GPHN: variants seen among roughly 807,000 people sequenced by gnomAD.
GPHN encodes gephyrin.
GPHN carries 17 observed loss-of-function variants against 95.5 expected under a neutral mutation model. The observed-to-expected ratio is 0.18, with a 90% CI of 0.12 to 0.27. The LOEUF is 0.27. Among genes scored for constraint, GPHN ranks in the 10% least tolerant of loss-of-function variants. GPHN has a pLI of 1.00. For synonymous variants in GPHN, 320 were observed against 322.5 expected, an observed-to-expected ratio of 0.99 and a Z score of 0.08; for missense variants, 660 against 978.1, an observed-to-expected ratio of 0.67 and a Z score of 4.34.
the GPHN span, chr14:67,364,598 C>A: frequency 3.2e-6 from 2 of 618,962 alleles, no homozygotes; most frequent in Non-Finnish European, 5.3e-6. Flanking sequence ...GGTTCCTGAA[C>A]ATTATCTGTT....
At chr14:67,245,001 GT>G in the GPHN span, among the ~76,000 whole-genome samples, 1 of 152,212 alleles carries the variant, frequency 6.6e-6, no homozygotes, top group African/African-American at 2.4e-5. Flanking sequence ...GAAGTGCAAA[GT>G]TGCTGGCTTT....
the GPHN span, among the ~76,000 whole-genome samples, chr14:67,594,657 AAAG>A: frequency 6.6e-6 from 1 of 152,078 alleles, no homozygotes; most frequent in Non-Finnish European, 1.5e-5. Context: ...TCAAAAAAAA[AAAG>A]GACCCCAAAT....
At chr14:67,642,245 TACA>T in the GPHN span, 11,698 of 1,614,108 alleles carry the variant, frequency 7.2e-3, 58 homozygotes, top group Non-Finnish European at 9.0e-3. Context: ...AGATGATCTC[TACA>T]ACAACCTGAT....
chr14:66,842,316 T>C (rs1372501078), intron 4 of GPHN, among the ~76,000 whole-genome samples: 2 of 152,108 alleles, frequency 1.3e-5, no homozygotes, highest in Non-Finnish European at 2.9e-5. Context: ...TCCCCTCTGC[T>C]CATTCACAAA....
chr14:67,002,399 A>G (rs1168634748), intron 9 of GPHN, among the ~76,000 whole-genome samples: 2 of 146,130 alleles, frequency 1.4e-5, no homozygotes, highest in Admixed American at 7.0e-5. Flanking sequence ...ATCGTGAGAC[A>G]TATTTTTATT....
At chr14:66,919,404 C>T (rs1258269685) in intron 6 of GPHN, among the ~76,000 whole-genome samples, 1 of 152,136 alleles carries the variant, frequency 6.6e-6, no homozygotes, top group Non-Finnish European at 1.5e-5. Flanking sequence ...GTAGAGAATA[C>T]AGCAAAATCA....
At chr14:66,675,889 T>G (rs1195092544) in intron 1 of GPHN, among the ~76,000 whole-genome samples, 2 of 152,210 alleles carry the variant, frequency 1.3e-5, no homozygotes, top group African/African-American at 2.4e-5. Context: ...CAAATGGGCT[T>G]GCTTTCCTGA....
chr14:66,593,878 A>G (rs574587590), intron 1 of GPHN, among the ~76,000 whole-genome samples: 1 of 152,318 alleles, frequency 6.6e-6, no homozygotes, highest in East Asian at 1.9e-4. Context: ...GAAGAAGTAA[A>G]ATTGTCTTTC....
At chr14:66,758,860 C>G (rs1228457075) in intron 2 of GPHN, among the ~76,000 whole-genome samples, 4 of 152,100 alleles carry the variant, frequency 2.6e-5, no homozygotes, top group African/African-American at 7.2e-5. Context: ...AGCCAGAGAC[C>G]ACTGTTTGGT....
At chr14:66,645,895 G>A (rs2064719846) in intron 1 of GPHN, among the ~76,000 whole-genome samples, 2 of 152,058 alleles carry the variant, frequency 1.3e-5, no homozygotes, top group African/African-American at 2.4e-5. Flanking sequence ...AGGTTAAAAT[G>A]TATGTACAGA....
At chr14:67,267,320 G>A in the GPHN span, among the ~76,000 whole-genome samples, 4 of 151,902 alleles carry the variant, frequency 2.6e-5, no homozygotes, top group African/African-American at 9.7e-5. Flanking sequence ...GTGCAATGGT[G>A]CAATCTTGGC....
At chr14:67,086,785 T>G (rs1225961874) in intron 11 of GPHN, among the ~76,000 whole-genome samples, 1 of 151,642 alleles carries the variant, frequency 6.6e-6, no homozygotes, top group Non-Finnish European at 1.5e-5. Flanking sequence ...ACGCCTGTAA[T>G]CTCAGCATTT....
chr14:67,077,453 C>A (rs1489926856), intron 11 of GPHN, among the ~76,000 whole-genome samples: 1 of 152,152 alleles, frequency 6.6e-6, no homozygotes, highest in African/African-American at 2.4e-5. Context: ...GATGTAACCT[C>A]ATTGTAAATC....
At chr14:66,592,433 GAAGA>G (rs1313214204) in intron 1 of GPHN, among the ~76,000 whole-genome samples, 4 of 146,380 alleles carry the variant, frequency 2.7e-5, no homozygotes, top group African/African-American at 1.0e-4. Flanking sequence ...CCAGAATCTA[GAAGA>G]AACTTAAACA....
intron 8 of GPHN, among the ~76,000 whole-genome samples, chr14:66,962,331 G>GTTTTTTTT (rs540551730): frequency 6.7e-6 from 1 of 148,304 alleles, no homozygotes; most frequent in Admixed American, 6.7e-5. Context: ...AGCATAGGCA[G>GTTTTTTTT]TTTTTGTTTT....
At chr14:67,359,634 G>T in the GPHN span, 1 of 1,613,682 alleles carries the variant, frequency 6.2e-7, no homozygotes, top group Non-Finnish European at 8.5e-7. Flanking sequence ...CTGTGAAAGC[G>T]GCTTATCCCA....
the GPHN span, among the ~76,000 whole-genome samples, chr14:67,422,245 C>T: frequency 6.6e-6 from 1 of 152,132 alleles, no homozygotes; most frequent in South Asian, 2.1e-4. Context: ...TCAAACTAGC[C>T]AGTCCAAAAC....
the GPHN span, among the ~76,000 whole-genome samples, chr14:67,565,419 AT>A: frequency 6.6e-6 from 1 of 151,818 alleles, no homozygotes; most frequent in Admixed American, 6.6e-5. Flanking sequence ...AATTTTTTAA[AT>A]TTTTTGTAGG....
intron 18 of GPHN, among the ~76,000 whole-genome samples, chr14:67,146,608 T>C (rs1248310505): frequency 6.6e-6 from 1 of 152,212 alleles, no homozygotes; most frequent in Non-Finnish European, 1.5e-5. Context: ...AGTAATCACA[T>C]AGATGATAAC....
Sources: allele counts gnomAD v4.1 joint callset (sites outside exome capture counted in the v4.1 genomes callset), GRCh38; gene constraint gnomAD v4.1.1; transcripts MANE v1.5; gene names NCBI Gene and HGNC (gene_info 2026-07-23, HGNC 2026-07-21).